The following NCK2 variants were observed in gnomAD, a reference collection of about 807,000 sequenced individuals.
NCK2 encodes cytoplasmic protein NCK2.
NCK2 carries 16 observed loss-of-function variants against 33.9 expected under a neutral mutation model. The ratio of observed to expected loss-of-function variants is 0.47; its 90% CI spans 0.32 to 0.72. NCK2 has a LOEUF of 0.72. Among genes scored for constraint, NCK2 ranks in the 30% least tolerant of loss-of-function variants. NCK2 has a pLI of 0.03. For synonymous variants in NCK2, 273 were observed against 239.9 expected, an observed-to-expected ratio of 1.14 and a Z score of -1.27; for missense variants, 418 against 537.3, an observed-to-expected ratio of 0.78 and a Z score of 2.19.
chr2:105,840,885 G>T (rs1676616284), intron 2 of NCK2, among the ~76,000 whole-genome samples: 1 of 151,780 alleles, frequency 6.6e-6, no homozygotes. Context: ...CATCAGCCAG[G>T]TCCCCACGGA....
intron 3 of NCK2, among the ~76,000 whole-genome samples, chr2:105,873,386 C>T (rs1447063536): frequency 6.6e-6 from 1 of 152,132 alleles, no homozygotes; most frequent in Non-Finnish European, 1.5e-5. Context: ...TGGATGTGGC[C>T]TCCCAGCATC....
chr2:105,891,941 T>C (rs1679004201), intron 4 of NCK2, among the ~76,000 whole-genome samples: 1 of 152,198 alleles, frequency 6.6e-6, no homozygotes, highest in Admixed American at 6.5e-5. Context: ...TTCAATAAAA[T>C]CTGTAATCAA....
chr2:105,886,296 G>A (rs1678718113), intron 4 of NCK2, among the ~76,000 whole-genome samples: 1 of 152,238 alleles, frequency 6.6e-6, no homozygotes, highest in African/African-American at 2.4e-5. Flanking sequence ...TTATCTGGAA[G>A]TTTAGTGCTC....
At chr2:105,877,036 G>A (rs1678262596) in intron 3 of NCK2, among the ~76,000 whole-genome samples, 1 of 152,142 alleles carries the variant, frequency 6.6e-6, no homozygotes, top group African/African-American at 2.4e-5. Context: ...AGCTCCAGGT[G>A]AAGTCCAGGC....
At chr2:105,778,714 C>A (rs1335211906) in intron 1 of NCK2, among the ~76,000 whole-genome samples, 1 of 151,648 alleles carries the variant, frequency 6.6e-6, no homozygotes, top group African/African-American at 2.4e-5. Context: ...TTATTTTTTT[C>A]TTCTTTCATT....
At chr2:105,818,301 A>AGGGG in intron 2 of NCK2, among the ~76,000 whole-genome samples, 2 of 81,020 alleles carry the variant, frequency 2.5e-5, no homozygotes, top group Non-Finnish European at 5.0e-5. Flanking sequence ...GGGGGGAGGG[A>AGGGG]TAGCATTAGG....
At chr2:105,768,105 G>A (rs761074924) in intron 1 of NCK2, among the ~76,000 whole-genome samples, 1 of 152,176 alleles carries the variant, frequency 6.6e-6, no homozygotes, top group African/African-American at 2.4e-5. Context: ...CATGAAAAAG[G>A]CTACAAATTT....
chr2:105,878,592 G>A (rs1336145349), intron 3 of NCK2, among the ~76,000 whole-genome samples: 3 of 152,180 alleles, frequency 2.0e-5, no homozygotes, highest in Admixed American at 6.5e-5. Flanking sequence ...CTCCAGAATT[G>A]TGAGGAAATA....
At chr2:105,888,550 C>T (rs992040847) in intron 4 of NCK2, among the ~76,000 whole-genome samples, 5 of 152,188 alleles carry the variant, frequency 3.3e-5, no homozygotes, top group Non-Finnish European at 7.3e-5. Context: ...TAATGAGTGT[C>T]CTGTCCATCT....
At chr2:105,880,936 ATT>A (rs59005322) in intron 3 of NCK2, among the ~76,000 whole-genome samples, 647 of 103,034 alleles carry the variant, frequency 6.3e-3, no homozygotes, top group African/African-American at 0.021. Flanking sequence ...CAGGTGGCTA[ATT>A]TTTTTTTTTT....
intron 1 of NCK2, among the ~76,000 whole-genome samples, chr2:105,758,873 T>C (rs1049320383): frequency 6.6e-6 from 1 of 152,348 alleles, no homozygotes; most frequent in East Asian, 1.9e-4. Flanking sequence ...ACATTTAAGC[T>C]TTGTTTAACA....
intron 1 of NCK2, among the ~76,000 whole-genome samples, chr2:105,753,207 G>A (rs1311102353): frequency 2.0e-5 from 3 of 152,240 alleles, no homozygotes; most frequent in Admixed American, 6.5e-5. Context: ...CTTGCATACA[G>A]GTTCATTCTG....
intron 4 of NCK2, among the ~76,000 whole-genome samples, chr2:105,892,668 A>G (rs1039586070): frequency 3.3e-5 from 5 of 152,132 alleles, no homozygotes; most frequent in Non-Finnish European, 1.5e-5. Flanking sequence ...CAACATGGCG[A>G]AACCCTGTCT....
chr2:105,754,711 A>T (rs1240108366), intron 1 of NCK2, among the ~76,000 whole-genome samples: 1 of 149,712 alleles, frequency 6.7e-6, no homozygotes, highest in South Asian at 2.1e-4. Flanking sequence ...GCTCTGCATG[A>T]TGGAAGCCAG....
intron 2 of NCK2, among the ~76,000 whole-genome samples, chr2:105,818,797 TTCTCCTTTAATA>T (rs1422502269): frequency 6.6e-6 from 1 of 152,208 alleles, no homozygotes; most frequent in Middle Eastern, 3.2e-3. Flanking sequence ...TCTGGAAATT[TTCTCCTTTAATA>T]TTAAAAGTTA....
In NCK2 at chr2:105,821,562, T is replaced by C. The variant is rs528386284; in HGVS notation, c.-17+4949T>C. ...AATCTGTGGTAATTGGTTAAATAAT[T>C]GCCCAGTAAGTATTGACAGCTGCTG... is the stretch of plus-strand genomic sequence containing the variant. On this transcript the variant is annotated intron_variant, in intron 2 of 4. Coordinates refer to ENST00000233154, the MANE Select transcript of NCK2 (RefSeq NM_003581.5). Among the ~76,000 whole-genome samples the C allele has an allele frequency of 1.2e-3, 178 of 152,240 alleles. 1 individual carries two copies. The highest frequency in any genetic ancestry group is 4.1e-3 in the African/African-American group (172 of 41,540).
intron 2 of NCK2, among the ~76,000 whole-genome samples, chr2:105,838,760 C>T (rs192404907): frequency 1.4e-4 from 21 of 152,182 alleles, no homozygotes; most frequent in Admixed American, 3.3e-4. Flanking sequence ...TGATGGAGGC[C>T]GACCGTAGGC....
chr2:105,796,187 C>T (rs377390946), intron 1 of NCK2, among the ~76,000 whole-genome samples: 3 of 152,204 alleles, frequency 2.0e-5, no homozygotes, highest in East Asian at 1.9e-4. Flanking sequence ...ATTGGCCGCC[C>T]TCTGGGCACT....
intron 4 of NCK2, among the ~76,000 whole-genome samples, chr2:105,882,816 C>T (rs999787083): frequency 2.0e-5 from 3 of 152,148 alleles, no homozygotes; most frequent in African/African-American, 7.2e-5. Context: ...CTTCTACAAT[C>T]GAGAGACTTC....
Sources: gnomAD v4.1 joint callset for allele counts (sites outside exome capture counted in the v4.1 genomes callset) on GRCh38, gnomAD v4.1.1 for gene constraint, MANE v1.5 for transcripts, NCBI Gene and HGNC (gene_info 2026-07-23, HGNC 2026-07-21) for gene names.